The following EXOC3L2 variants were observed in gnomAD, a reference collection of about 807,000 sequenced individuals.
EXOC3L2 encodes the protein exocyst complex component 3-like protein 2.
In EXOC3L2, 17 loss-of-function variants were observed where a neutral mutation model predicts 44.4. That is an observed-to-expected ratio of 0.38 (90% CI 0.26 to 0.57). The LOEUF (loss-of-function observed/expected upper bound fraction) is 0.57. Among genes scored for constraint, EXOC3L2 ranks in the 20% least tolerant of loss-of-function variants. The pLI is 0.65. For missense variants in EXOC3L2, 541 were observed against 588.4 expected (o/e 0.92, Z 0.83); for synonymous variants, 256 against 253.7 (o/e 1.01, Z -0.09).
chr19:45,223,785 A>G lies in EXOC3L2; in HGVS notation c.1719+993T>C, dbSNP rs192926463. On this transcript the variant is annotated intron_variant, in intron 8 of 11. Transcript: ENST00000413988. The stretch of plus-strand genomic sequence containing the variant: ...GGTGGGCAGATCACATGAGGCCAGG[A>G]GTTTGAGACCAGCCTGGCCAACATG... 3.1e-4 allele frequency among the ~76,000 whole-genome samples: 46 copies of G among 150,104 alleles called. 2 individuals carry two copies. In the East Asian group the frequency reaches 9.4e-3, roughly 31 times the overall value.
intron 4 of EXOC3L2, among the ~76,000 whole-genome samples, chr19:45,231,152 T>G (rs960802191): frequency 1.3e-5 from 2 of 152,160 alleles, no homozygotes; most frequent in African/African-American, 4.8e-5. Context: ...CTCTTTTCTA[T>G]GGTTCTAGGC....
chr19:45,237,309 GAGC>G (rs1315251037), intron 2 of EXOC3L2, among the ~76,000 whole-genome samples: 1 of 152,064 alleles, frequency 6.6e-6, no homozygotes, highest in African/African-American at 2.4e-5. Context: ...AGACCAACTT[GAGC>G]AACATAGCGA....
intron 2 of EXOC3L2, among the ~76,000 whole-genome samples, chr19:45,235,343 CT>C (rs1970073577): frequency 6.6e-6 from 1 of 151,936 alleles, no homozygotes; most frequent in African/African-American, 2.4e-5. Flanking sequence ...AGAAAAATGC[CT>C]GTGACTGAGG....
chr19:45,238,236 A>G lies in EXOC3L2; in HGVS notation c.523+287T>C, dbSNP rs923478358. 2.0e-5 allele frequency among the ~76,000 whole-genome samples: 3 copies of G among 152,194 alleles called. No homozygotes were observed. Among genetic ancestry groups the G allele is most frequent in the East Asian group, 3.8e-4 (2 of 5,204 alleles). On this transcript the variant is annotated intron_variant, in intron 2 of 11. Coordinates refer to ENST00000413988, the MANE Select transcript of EXOC3L2 (RefSeq NM_001382422.1). The surrounding 1 kb of genome is among the most constrained non-coding windows in gnomAD (Gnocchi z 5.5). ...ATCAGGTATTCCCTTGGCTTTAGACATGGGAGTAGGGCTGAAGACGGCAGG... is the reference window on the plus strand; with the variant it reads ...ATCAGGTATTCCCTTGGCTTTAGACGTGGGAGTAGGGCTGAAGACGGCAGG...
chr19:45,226,805 T>C (rs1438379980), intron 7 of EXOC3L2, among the ~76,000 whole-genome samples: 5 of 138,398 alleles, frequency 3.6e-5, no homozygotes, highest in African/African-American at 1.4e-4. Context: ...CAGGCTGGAG[T>C]GTAGTGGCGC....
intron 11 of EXOC3L2, among the ~76,000 whole-genome samples, chr19:45,215,777 C>T (rs1470637238): frequency 6.6e-6 from 1 of 152,172 alleles, no homozygotes; most frequent in African/African-American, 2.4e-5. Flanking sequence ...TCCCCTGCGG[C>T]TCCCCTGCGG....
chr19:45,237,009 GAAAA>G (rs796623483), intron 2 of EXOC3L2, among the ~76,000 whole-genome samples: 1 of 122,538 alleles, frequency 8.2e-6, no homozygotes, highest in Non-Finnish European at 1.8e-5. Context: ...TGTCTCAAAG[GAAAA>G]AAAAAAAAAA....
intron 2 of EXOC3L2, among the ~76,000 whole-genome samples, chr19:45,236,826 A>G (rs2122989561): frequency 6.6e-6 from 1 of 151,812 alleles, no homozygotes; most frequent in East Asian, 2.0e-4. Context: ...GCAAAACCCC[A>G]TCTCTACAAA....
At position 45,239,216 on chromosome 19, in the gene EXOC3L2, C is replaced by CTTTT. The variant is rs34721897; in HGVS notation, c.-16-159_-16-156dup. On this transcript the variant is annotated intron_variant, in intron 1 of 11. Transcript: ENST00000413988. ...TCTGCACAAGCTTATAAGATGGGGA[C>CTTTT]TTTTTTTTTTTTTTTTTTTGAGACG... is the stretch of plus-strand genomic sequence containing the variant. Among the ~76,000 whole-genome samples, 23 of 122,616 alleles carry CTTTT rather than the reference C, an allele frequency of 1.9e-4. 1 individual carries two copies. Among genetic ancestry groups the CTTTT allele is most frequent in the Admixed American group, 2.6e-4 (3 of 11,650 alleles). 80.4% of individuals were successfully genotyped at this position (122,616 alleles called of 152,430 possible). A position where few individuals can be genotyped will look rare whatever the true frequency, so the allele number is the denominator to read the frequency against.
intron 8 of EXOC3L2, among the ~76,000 whole-genome samples, chr19:45,220,489 AAAAC>A: frequency 1.3e-5 from 2 of 152,278 alleles, no homozygotes; most frequent in Middle Eastern, 3.4e-3. Flanking sequence ...AACAGAAACA[AAAAC>A]AAAACTCTTT....
At chr19:45,227,416 C>T (rs1969976625) in intron 7 of EXOC3L2, among the ~76,000 whole-genome samples, 1 of 152,146 alleles carries the variant, frequency 6.6e-6, no homozygotes, top group Admixed American at 6.6e-5. Context: ...CCACTGTGCC[C>T]AGCCAAAATC....
rs371153611 is a variant in EXOC3L2, at chr19:45,213,153, G to T, written c.2325C>A (p.Pro775=). Residue 775 remains proline, a synonymous_variant, in exon 12 of 12, where the codon CCC becomes CCA. Coordinates refer to ENST00000413988, the MANE Select transcript of EXOC3L2 (RefSeq NM_001382422.1). ...AACTGGGCCTGGCCAGCCGGGAGAG[G>T]GGGAGGCGGCCCAGGAAGAGAGGGA... The part of the protein sequence containing the change: ...LSLPLFLGRL[P]LSRLARPSLA... 3.8e-5 allele frequency: 60 copies of T among 1,590,826 alleles called. No individual in the cohort carries two copies. The highest frequency in any genetic ancestry group is 4.9e-5 in the Non-Finnish European group (57 of 1,169,152).
chr19:45,221,644 CTTTTT>C (rs373572170), intron 8 of EXOC3L2, among the ~76,000 whole-genome samples: 9,926 of 91,720 alleles, frequency 0.11, 475 homozygotes, highest in African/African-American at 0.19. Context: ...CCCAGCAGGG[CTTTTT>C]TTTTTTTTTT....
intron 7 of EXOC3L2, 120 bp from the exon 8 acceptor site, chr19:45,225,033 A>AG (rs1173515923): frequency 4.8e-6 from 6 of 1,253,568 alleles, no homozygotes; most frequent in Non-Finnish European, 5.1e-6. Context: ...TGGGGGGCTG[A>AG]GAAAGGTCAG....
At chr19:45,215,565 G>GGATGAT (rs369100560) in intron 11 of EXOC3L2, among the ~76,000 whole-genome samples, 1 of 151,934 alleles carries the variant, frequency 6.6e-6, no homozygotes, top group Admixed American at 6.6e-5. Flanking sequence ...CTATAGTCAT[G>GGATGAT]GATGATGATG....
chr19:45,239,369 C>G (rs1265357332), intron 1 of EXOC3L2, among the ~76,000 whole-genome samples: 2 of 150,986 alleles, frequency 1.3e-5, no homozygotes, highest in Non-Finnish European at 1.5e-5. Flanking sequence ...AGGCGCCCAC[C>G]ACCACGCCCG....
chr19:45,216,315 C>T (rs1370252732), intron 10 of EXOC3L2, 121 bp from the exon 11 acceptor site: 3 of 1,368,468 alleles, frequency 2.2e-6, no homozygotes, highest in Non-Finnish European at 2.9e-6. Context: ...GTGGCTCAAG[C>T]CTGTAATCCC....
At position 45,238,688 on chromosome 19, in the gene EXOC3L2, C is replaced by T; in HGVS notation, c.358G>A (p.Glu120Lys). The change falls in exon 2 of 12, where the codon GAG becomes AAG. Residue 120 changes from glutamate (E) to lysine (K), a missense_variant. Coordinates refer to ENST00000413988, the MANE Select transcript of EXOC3L2 (RefSeq NM_001382422.1). The surrounding 1 kb of genome is among the most constrained non-coding windows in gnomAD (Gnocchi z 5.5). ...CTCCGGGCGGCCTCCCCCGCTGCCT[C>T]CTCGTCGCCGTGGGCTCGGGTCCCA... is the stretch of plus-strand genomic sequence containing the variant. ...LHGTRAHGDE[E>K]AAGEAARRLA... 2.5e-6 allele frequency: 1 copy of T among 399,144 alleles called. No homozygotes were observed. The highest frequency in any genetic ancestry group is 4.4e-6 in the Non-Finnish European group (1 of 225,992). 24.7% of individuals were successfully genotyped at this position (399,144 alleles called of 1,614,324 possible). A position where few individuals can be genotyped will look rare whatever the true frequency, so the allele number is the denominator to read the frequency against.
chr19:45,227,837 T>A (rs1488253147), intron 6 of EXOC3L2, 65 bp from the exon 7 acceptor site: 1 of 1,549,584 alleles, frequency 6.5e-7, no homozygotes, highest in Admixed American at 1.9e-5. Context: ...GCACCCAGCC[T>A]GCCAAAGCCA....
Sources: gnomAD v4.1 joint callset for allele counts (sites outside exome capture counted in the v4.1 genomes callset) on GRCh38, gnomAD v4.1.1 for gene constraint, Gnocchi (gnomAD v3.1) non-coding constraint, MANE v1.5 for transcripts, NCBI Gene and HGNC (gene_info 2026-07-23, HGNC 2026-07-21) for gene names.